The following GAS7 variants were observed in gnomAD, a reference collection of about 807,000 sequenced individuals.
The protein encoded by GAS7 is growth arrest specific 7.
Under a neutral mutation model 71.1 loss-of-function variants are expected in GAS7, and 28 were observed. That is an observed-to-expected ratio of 0.39 (90% CI 0.29 to 0.54). The LOEUF is 0.54. GAS7 is among the 20% of genes least tolerant of loss of function. The pLI, the probability that GAS7 is intolerant of heterozygous loss-of-function variation, is 0.62. For missense variants in GAS7, 436 were observed against 627.8 expected, an observed-to-expected ratio of 0.69 and a Z score of 3.27; for synonymous variants, 258 against 245.8, an observed-to-expected ratio of 1.05 and a Z score of -0.46.
intron 1 of GAS7, among the ~76,000 whole-genome samples, chr17:10,186,609 T>C (rs1001788413): frequency 8.5e-5 from 13 of 152,048 alleles, no homozygotes. Flanking sequence ...TTTCACCACA[T>C]TGGCCAGGCT....
intron 10 of GAS7, 51 bp from the exon 11 acceptor site, chr17:9,925,650 GC>G: frequency 6.2e-7 from 1 of 1,606,290 alleles, no homozygotes; most frequent in Non-Finnish European, 8.5e-7. Flanking sequence ...GAGCCAGTGG[GC>G]CTCCTGGGCC....
intron 1 of GAS7, among the ~76,000 whole-genome samples, chr17:10,075,713 T>G (rs1331652667): frequency 1.3e-5 from 2 of 151,574 alleles, no homozygotes; most frequent in South Asian, 4.2e-4. Flanking sequence ...GAGGATCACT[T>G]GGGACCAGGA....
intron 2 of GAS7, among the ~76,000 whole-genome samples, chr17:10,005,619 T>A (rs1049546070): frequency 6.6e-6 from 1 of 152,132 alleles, no homozygotes; most frequent in African/African-American, 2.4e-5. Context: ...GATATCCAGA[T>A]GTTTACGAAA....
At chr17:9,928,101 T>A (rs2152076151) in intron 9 of GAS7, among the ~76,000 whole-genome samples, 1 of 151,898 alleles carries the variant, frequency 6.6e-6, no homozygotes. Context: ...ATAACATTTA[T>A]TTATTTTTTA....
rs916031823 is a variant in GAS7, at chr17:10,034,314, T to A, written c.184-14417A>T. 2 of 652,376 alleles carry A rather than the reference T, an allele frequency of 3.1e-6. No individual in the cohort carries two copies. Among genetic ancestry groups the A allele is most frequent in the African/African-American group, 2.3e-5 (1 of 43,174 alleles). 40.4% of individuals were successfully genotyped at this position (652,376 alleles called of 1,614,324 possible). ...TATATATAGCCTAATACTTAATAATTCTTTTTTTTTTTTTTAGACAGTCTT... is the reference window on the plus strand; with the variant it reads ...TATATATAGCCTAATACTTAATAATACTTTTTTTTTTTTTTAGACAGTCTT... On this transcript the variant is annotated intron_variant, in intron 1 of 13. Coordinates refer to ENST00000432992, the MANE Select transcript of GAS7 (RefSeq NM_201433.2). This position sits in a 1 kb window ranked among gnomAD's most constrained non-coding sequence, Gnocchi z 4.4.
chr17:10,034,131 C>G lies in GAS7; in HGVS notation c.184-14234G>C. On this transcript the variant is annotated intron_variant, in intron 1 of 13. Transcript: ENST00000432992. The surrounding 1 kb of genome is among the most constrained non-coding windows in gnomAD (Gnocchi z 4.4). ...CCTACCACTGCTCTGTGCCACCGTG[C>G]GAAGAACACAGGATGGGAATCGGAG... The G allele has an allele frequency of 1.0e-6, 1 of 985,198 alleles. No homozygotes were observed. Among genetic ancestry groups the G allele is most frequent in the Non-Finnish European group, 1.2e-6 (1 of 829,794 alleles). 61.0% of individuals were successfully genotyped at this position (985,198 alleles called of 1,614,324 possible).
chr17:10,107,722 G>A (rs936133981), intron 1 of GAS7, among the ~76,000 whole-genome samples: 2 of 149,920 alleles, frequency 1.3e-5, no homozygotes, highest in Non-Finnish European at 3.0e-5. Context: ...GGCTGAGCAG[G>A]GGAACCACCT....
intron 1 of GAS7, among the ~76,000 whole-genome samples, chr17:10,110,246 C>T (rs2073798438): frequency 6.6e-6 from 1 of 151,984 alleles, no homozygotes; most frequent in South Asian, 2.1e-4. Context: ...TCATTAGCAG[C>T]AACATGAACG....
At chr17:10,070,341 CTTT>C (rs71365713) in intron 1 of GAS7, among the ~76,000 whole-genome samples, 26 of 106,132 alleles carry the variant, frequency 2.4e-4, no homozygotes, top group African/African-American at 3.2e-4. Flanking sequence ...TCTCTCTCTT[CTTT>C]TTTTTTTTTT....
intron 1 of GAS7, among the ~76,000 whole-genome samples, chr17:10,052,560 T>C (rs887439074): frequency 1.3e-5 from 2 of 152,196 alleles, no homozygotes; most frequent in African/African-American, 4.8e-5. Flanking sequence ...GTGAGCAGTT[T>C]TGTTTTTCAG....
intron 1 of GAS7, among the ~76,000 whole-genome samples, chr17:10,184,888 G>T (rs1403027696): frequency 6.6e-6 from 1 of 151,878 alleles, no homozygotes; most frequent in African/African-American, 2.4e-5. Flanking sequence ...GGAAAAGGGG[G>T]GCCATGGGAG....
intron 3 of GAS7, among the ~76,000 whole-genome samples, chr17:9,976,829 G>A (rs1026656064): frequency 1.3e-5 from 2 of 152,144 alleles, no homozygotes; most frequent in African/African-American, 2.4e-5. Context: ...AGAAAAACAC[G>A]TAAGTTCAAT....
At chr17:10,063,449 T>A (rs111491143) in intron 1 of GAS7, among the ~76,000 whole-genome samples, 2 of 152,162 alleles carry the variant, frequency 1.3e-5, no homozygotes, top group Non-Finnish European at 2.9e-5. Flanking sequence ...AAAGCTACCA[T>A]CTCTGCTCCA....
At chr17:10,190,898 A>G (rs7503215) in intron 1 of GAS7, among the ~76,000 whole-genome samples, 64,834 of 151,462 alleles carry the variant, frequency 0.43, 14,425 homozygotes, top group African/African-American at 0.54. Flanking sequence ...ACCTAAGAAC[A>G]GGCACGGTGG....
chr17:10,177,542 CT>C (rs1318524751), intron 1 of GAS7, among the ~76,000 whole-genome samples: 1 of 152,132 alleles, frequency 6.6e-6, no homozygotes, highest in Admixed American at 6.6e-5. Context: ...GAGACTGTGT[CT>C]GCTCCTATGG....
At chr17:10,181,199 C>T (rs1385216644) in intron 1 of GAS7, among the ~76,000 whole-genome samples, 2 of 147,420 alleles carry the variant, frequency 1.4e-5, no homozygotes, top group African/African-American at 2.5e-5. Context: ...GTCTCTACTA[C>T]AGTACAAAAA....
At chr17:10,087,048 C>T (rs1425111674) in intron 1 of GAS7, among the ~76,000 whole-genome samples, 2 of 152,204 alleles carry the variant, frequency 1.3e-5, no homozygotes, top group Admixed American at 6.5e-5. Flanking sequence ...TCAGCAGAGA[C>T]TGATCAGGGT....
chr17:9,985,439 C>T (rs1419327156), intron 2 of GAS7, among the ~76,000 whole-genome samples: 1 of 152,208 alleles, frequency 6.6e-6, no homozygotes, highest in East Asian at 1.9e-4. Flanking sequence ...ACGCCTTTCC[C>T]GTATTGTTCA....
At position 10,057,374 on chromosome 17, in the gene GAS7, G is replaced by A. The variant is rs576914722; in HGVS notation, c.184-37477C>T. ...GAGCCTCTCTGCCCGGCCCCCCATC[G>A]TCTGAGATGTGGGGAGCGCCTCTGC... is the stretch of plus-strand genomic sequence containing the variant. On this transcript the variant is annotated intron_variant, in intron 1 of 13. Coordinates refer to ENST00000432992, the MANE Select transcript of GAS7 (RefSeq NM_201433.2). Among the ~76,000 whole-genome samples, 26 of 150,384 alleles carry A rather than the reference G, an allele frequency of 1.7e-4. No individual in the cohort carries two copies. In the South Asian group the frequency reaches 4.5e-3, roughly 26 times the overall value.
Sources: allele counts gnomAD v4.1 joint callset (sites outside exome capture counted in the v4.1 genomes callset), GRCh38; gene constraint gnomAD v4.1.1; non-coding constraint Gnocchi (gnomAD v3.1); transcripts MANE v1.5; gene names NCBI Gene and HGNC (gene_info 2026-07-23, HGNC 2026-07-21).